Variants in POLR3C observed in about 807,000 individuals in gnomAD.
The protein encoded by POLR3C is RNA polymerase III subunit C.
In POLR3C, 44 loss-of-function variants were observed where a neutral mutation model predicts 65.9. The ratio of observed to expected loss-of-function variants is 0.67; its 90% CI spans 0.52 to 0.86. POLR3C has a LOEUF of 0.86. POLR3C is among the 40% of genes least tolerant of loss of function. POLR3C has a pLI of 0.00. For synonymous variants in POLR3C, 263 were observed against 231.6 expected (o/e 1.14, Z -1.23); for missense variants, 576 against 653.2 (o/e 0.88, Z 1.29).
At chr1:145,842,081 C>T (rs1000777793) in intron 14 of POLR3C, among the ~76,000 whole-genome samples, 2 of 152,110 alleles carry the variant, frequency 1.3e-5, no homozygotes, top group East Asian at 3.9e-4. Context: ...CCTTTACGTT[C>T]GTTTTCCTGA....
At chr1:145,830,822 G>T (rs181431433) in intron 5 of POLR3C, among the ~76,000 whole-genome samples, 34 of 151,640 alleles carry the variant, frequency 2.2e-4, no homozygotes, top group Non-Finnish European at 4.6e-4. Flanking sequence ...AAATTGGGTT[G>T]TCTAGGCACA....
chr1:145,825,726 C>G (rs782500794), intron 1 of POLR3C, 31 bp from the exon 2 acceptor site: 48 of 1,494,200 alleles, frequency 3.2e-5, no homozygotes, highest in Middle Eastern at 3.4e-4. Flanking sequence ...GAAAGACTTT[C>G]TATTGTACCA....
At chr1:145,841,295 TA>T (rs1553730506) in intron 14 of POLR3C, among the ~76,000 whole-genome samples, 1 of 152,218 alleles carries the variant, frequency 6.6e-6, no homozygotes, top group Non-Finnish European at 1.5e-5. Flanking sequence ...CAAGTACTGA[TA>T]AATTTTTTTT....
chr1:145,831,380 T>C (rs1651304486), intron 5 of POLR3C, among the ~76,000 whole-genome samples: 1 of 151,836 alleles, frequency 6.6e-6, no homozygotes, highest in Non-Finnish European at 1.5e-5. Flanking sequence ...CCATGCATGG[T>C]GGCGCAGGCC....
intron 9 of POLR3C, among the ~76,000 whole-genome samples, 161 bp downstream of exon 9, chr1:145,837,027 T>C (rs1434514689): frequency 2.6e-5 from 4 of 152,136 alleles, no homozygotes; most frequent in African/African-American, 9.7e-5. Context: ...GTGAACTGCA[T>C]TGATGATGAA....
intron 7 of POLR3C, among the ~76,000 whole-genome samples, 174 bp from the exon 8 acceptor site, chr1:145,836,320 A>G (rs1651834280): frequency 6.6e-6 from 1 of 151,996 alleles, no homozygotes; most frequent in East Asian, 1.9e-4. Flanking sequence ...GGGTTTCACC[A>G]TATTGGTCAG....
chr1:145,837,984 C>T, intron 10 of POLR3C, 72 bp from the exon 11 acceptor site: 5 of 1,363,380 alleles, frequency 3.7e-6, no homozygotes, highest in Non-Finnish European at 5.2e-6. Flanking sequence ...ATAGAACAAC[C>T]ACCCCATCTA....
chr1:145,841,364 A>G (rs1430822107), intron 14 of POLR3C, among the ~76,000 whole-genome samples: 2 of 152,270 alleles, frequency 1.3e-5, no homozygotes, highest in Admixed American at 1.3e-4. Context: ...AGGTTCAAAC[A>G]GTCTTCCTGC....
chr1:145,836,190 G>A (rs868983009), intron 7 of POLR3C, among the ~76,000 whole-genome samples: 2 of 148,940 alleles, frequency 1.3e-5, no homozygotes, highest in Admixed American at 6.8e-5. Context: ...GCGCAATCTC[G>A]GCTCACTGCA....
rs772256110 is a variant in POLR3C at position 145,827,486 on chromosome 1, A to G, written c.589+481A>G. On this transcript the variant is annotated intron_variant, in intron 4 of 14. Coordinates refer to ENST00000334163, the MANE Select transcript of POLR3C (RefSeq NM_006468.8). ...ATAAAAATTAGCCAGGTAGCCGGGC[A>G]TGGTGGTTCACGCCTGTAATCCCAG... Among the ~76,000 whole-genome samples the G allele has an allele frequency of 3.3e-5, 5 of 152,182 alleles. No homozygotes were observed. The South Asian group carries it at 6.2e-4, about 19-fold the overall frequency.
At position 145,827,148 on chromosome 1, in the gene POLR3C, T is replaced by C. The variant is rs191810093; in HGVS notation, c.589+143T>C. ...GTGTATAACAATGAAAAAATCATGG[T>C]CTCTGCCATGGGGCTTTAGTATAGG... is the stretch of plus-strand genomic sequence containing the variant. On this transcript the variant is annotated intron_variant, in intron 4 of 14. Transcript: ENST00000334163. 1.1e-4 allele frequency: 76 copies of C among 705,654 alleles called. No individual in the cohort carries two copies. The African/African-American group carries it at 1.3e-3, about 12-fold the overall frequency. The allele number at this position is 705,654 out of a possible 1,614,324, so 43.7% of individuals were successfully genotyped here.
rs781992691 is a variant in POLR3C, at chr1:145,826,528, G to T, written c.222G>T (p.Glu74Asp). 4.3e-6 allele frequency: 7 copies of T among 1,613,796 alleles called. No individual in the cohort carries two copies. The highest frequency in any genetic ancestry group is 5.9e-6 in the Non-Finnish European group (7 of 1,179,980). ...SYQVHKRGVV[E>D]YEAQCSRVLR... ...AAGTGCACAAACGTGGTGTGGTGGA[G>T]TATGAAGCCCAGTGCAGCCGGGTAT... The change falls in exon 3 of 15, where the codon GAG becomes GAT. Residue 74 changes from glutamate (E) to aspartate (D), a missense_variant. Transcript: ENST00000334163.
chr1:145,837,507 A>G (rs782342975), intron 9 of POLR3C, 29 bp from the exon 10 acceptor site: 1 of 1,333,140 alleles, frequency 7.5e-7, no homozygotes, highest in Non-Finnish European at 1.0e-6. Context: ...CCAAAACATT[A>G]CTGAGTGACC....
chr1:145,842,105 C>T (rs1652338011), intron 14 of POLR3C, among the ~76,000 whole-genome samples: 1 of 152,164 alleles, frequency 6.6e-6, no homozygotes, highest in African/African-American at 2.4e-5. Flanking sequence ...CAAATGAAGA[C>T]TACCTTCCCC....
chr1:145,834,856 A>G (rs4271151), intron 7 of POLR3C, among the ~76,000 whole-genome samples: 7,014 of 152,074 alleles, frequency 0.046, 556 homozygotes, highest in African/African-American at 0.16. Context: ...TTAAAGTTCT[A>G]TGGCCAGGTG....
At chr1:145,826,150 A>G (rs587648104) in intron 2 of POLR3C, among the ~76,000 whole-genome samples, 2 of 152,334 alleles carry the variant, frequency 1.3e-5, no homozygotes, top group South Asian at 4.1e-4. Context: ...TGCTCTTCCC[A>G]TGCCGTACCT....
At chr1:145,826,000 C>T in intron 2 of POLR3C, 77 bp downstream of exon 2, 1 of 1,229,542 alleles carries the variant, frequency 8.1e-7, no homozygotes. Context: ...TTGTTCTTCT[C>T]ACCCCAGAAA....
In POLR3C at chr1:145,828,805, A is replaced by C; in HGVS notation, c.646A>C (p.Lys216Gln). 1 of 1,603,006 alleles carries C rather than the reference A, an allele frequency of 6.2e-7. No homozygotes were observed. Among genetic ancestry groups the C allele is most frequent in the African/African-American group, 1.3e-5 (1 of 74,824 alleles). The change falls in exon 5 of 15, where the codon AAG (lysine) becomes CAG (glutamine). Residue 216 changes from lysine (K) to glutamine (Q), a missense_variant. Transcript: ENST00000334163. Reference sequence around the variant, plus strand: ...AGATGCTGCTGGGGAGCCCAAGGCCAAGAGACCAAAATATACTACAGATAA... The same window carrying C: ...AGATGCTGCTGGGGAGCCCAAGGCCCAGAGACCAAAATATACTACAGATAA... ...DEDAAGEPKA[K>Q]RPKYTTDNKE... is the part of the protein sequence containing the mutation.
chr1:145,836,024 C>A (rs1246985635), intron 7 of POLR3C, among the ~76,000 whole-genome samples: 1 of 151,936 alleles, frequency 6.6e-6, no homozygotes, highest in African/African-American at 2.4e-5. Flanking sequence ...TTAGTGTACT[C>A]GGTACTGGTC....
Sources: allele counts gnomAD v4.1 joint callset (sites outside exome capture counted in the v4.1 genomes callset), GRCh38; gene constraint gnomAD v4.1.1; transcripts MANE v1.5; gene names NCBI Gene and HGNC (gene_info 2026-07-23, HGNC 2026-07-21).